Variants in C13orf42 observed in about 807,000 individuals in gnomAD.
C13orf42 encodes uncharacterized protein C13orf42.
chr13:51,164,625 G>A (rs922629095), intron 1 of C13orf42, among the ~76,000 whole-genome samples: 3 of 152,088 alleles, frequency 2.0e-5, no homozygotes, highest in Non-Finnish European at 2.9e-5. Flanking sequence ...GCACCACTGC[G>A]CTCCAGCCTG....
chr13:51,082,668 A>G lies in C13orf42; in HGVS notation c.*1483T>C, dbSNP rs948683486. The G allele has an allele frequency of 6.6e-6, 1 of 152,236 alleles. No homozygotes were observed. The highest frequency in any genetic ancestry group is 1.5e-5 in the Non-Finnish European group (1 of 68,040). 9.4% of individuals were successfully genotyped at this position (152,236 alleles called of 1,614,324 possible). A position where few individuals can be genotyped will look rare whatever the true frequency, so the allele number is the denominator to read the frequency against. On this transcript the variant is annotated 3_prime_UTR_variant, in exon 4 of 4. Transcript: ENST00000563710. ...ATGCAGTTTATAAAACAAATCTCCT[A>G]AACATTTACTTTCCAGTCAAGCTTC...
Position 51,149,770 on chromosome 13 carries a change from CTCT to C in C13orf42, n.136+22480_136+22482del, listed in dbSNP as rs376921123. On this transcript the variant is annotated intron_variant and non_coding_transcript_variant, in intron 1 of 4. Coordinates refer to the C13orf42 transcript ENST00000433280. ...TTGAAGTCATTTAGCATGAATATTTCTCTTCATCATCAATAATAAGCACCTCTC... is the reference window on the plus strand; with the variant it reads ...TTGAAGTCATTTAGCATGAATATTTCTCATCATCAATAATAAGCACCTCTC... 3.3e-5 allele frequency among the ~76,000 whole-genome samples: 5 copies of C among 152,270 alleles called. No individual in the cohort carries two copies. The East Asian group carries it at 7.7e-4, about 24-fold the overall frequency.
intron 1 of C13orf42, among the ~76,000 whole-genome samples, chr13:51,144,853 C>T (rs777633156): frequency 5.9e-5 from 9 of 152,150 alleles, no homozygotes; most frequent in Admixed American, 1.3e-4. Context: ...GAACAAAGTC[C>T]CATCAAAGCC....
At chr13:51,152,447 T>C (rs1327636081) in intron 1 of C13orf42, among the ~76,000 whole-genome samples, 1 of 152,222 alleles carries the variant, frequency 6.6e-6, no homozygotes, top group Non-Finnish European at 1.5e-5. Context: ...TCCTGGGCTC[T>C]AGTGATCCTC....
intron 1 of C13orf42, among the ~76,000 whole-genome samples, chr13:51,097,396 T>C (rs1953246197): frequency 6.6e-6 from 1 of 152,214 alleles, no homozygotes. Flanking sequence ...ATTGTCCTTT[T>C]ATAAATTATA....
At chr13:51,112,884 C>A (rs541139058), upstream of C13orf42, among the ~76,000 whole-genome samples, 4 of 152,234 alleles carry the variant, frequency 2.6e-5, no homozygotes, top group African/African-American at 9.6e-5. Flanking sequence ...ACCGAGTTCC[C>A]AGGTATCCAG....
At chr13:51,141,095 G>GT (rs1953692098) in intron 1 of C13orf42, among the ~76,000 whole-genome samples, 16 of 128,498 alleles carry the variant, frequency 1.2e-4, no homozygotes, top group African/African-American at 4.7e-4. Context: ...ATCGAAGGGA[G>GT]GTGTGTGTGT....
At chr13:51,102,715 C>A (rs1205484973) in intron 1 of C13orf42, among the ~76,000 whole-genome samples, 1 of 152,146 alleles carries the variant, frequency 6.6e-6, no homozygotes, top group Non-Finnish European at 1.5e-5. Context: ...GTATATTAGT[C>A]CATGTTCACA....
chr13:51,123,426 C>T (rs1381362999), intron 1 of C13orf42, among the ~76,000 whole-genome samples: 1 of 152,216 alleles, frequency 6.6e-6, no homozygotes, highest in African/African-American at 2.4e-5. Context: ...ATGCAAATTA[C>T]ACACATCACT....
intron 1 of C13orf42, among the ~76,000 whole-genome samples, chr13:51,102,389 C>A (rs1953303688): frequency 6.6e-6 from 1 of 152,136 alleles, no homozygotes; most frequent in Non-Finnish European, 1.5e-5. Flanking sequence ...GGAGAAAGAG[C>A]CTCTACAGGC....
chr13:51,086,011 C>T (rs1226946900), intron 2 of C13orf42, among the ~76,000 whole-genome samples: 1 of 151,114 alleles, frequency 6.6e-6, no homozygotes, highest in Admixed American at 6.6e-5. Flanking sequence ...AGCGAGACTC[C>T]GTCTCAAAAA....
chr13:51,121,439 T>C (rs566623292), intron 1 of C13orf42, among the ~76,000 whole-genome samples: 1 of 152,324 alleles, frequency 6.6e-6, no homozygotes, highest in South Asian at 2.1e-4. Context: ...ATAACTTTTG[T>C]ATGGGGTATT....
chr13:51,124,114 G>A (rs371137770), intron 1 of C13orf42, among the ~76,000 whole-genome samples: 32 of 152,230 alleles, frequency 2.1e-4, no homozygotes, highest in Middle Eastern at 3.4e-3. Flanking sequence ...TCTAACAACT[G>A]AATAACCCCA....
intron 1 of C13orf42, among the ~76,000 whole-genome samples, chr13:51,140,204 C>CAGGGAGGGA (rs1424379241): frequency 6.6e-6 from 1 of 152,220 alleles, no homozygotes; most frequent in Non-Finnish European, 1.5e-5. Flanking sequence ...TAGAAGCTCC[C>CAGGGAGGGA]TCCCTGCTTC....
At chr13:51,154,638 G>A (rs542809160) in intron 1 of C13orf42, among the ~76,000 whole-genome samples, 37 of 152,336 alleles carry the variant, frequency 2.4e-4, no homozygotes, top group Admixed American at 4.6e-4. Flanking sequence ...GAAGCAGCAT[G>A]TATTGACATT....
intron 1 of C13orf42, among the ~76,000 whole-genome samples, chr13:51,132,593 G>A (rs1441921576): frequency 2.6e-5 from 4 of 152,052 alleles, no homozygotes; most frequent in Non-Finnish European, 5.9e-5. Flanking sequence ...CAAGAGACTT[G>A]GGAATATCAT....
chr13:51,160,990 A>G (rs1953860284), intron 1 of C13orf42, among the ~76,000 whole-genome samples: 1 of 149,564 alleles, frequency 6.7e-6, no homozygotes, highest in Non-Finnish European at 1.5e-5. Context: ...AAAAACTGCC[A>G]GTTGTCGCAT....
chr13:51,106,973 A>G (rs1451825575), intron 1 of C13orf42, among the ~76,000 whole-genome samples: 1 of 152,098 alleles, frequency 6.6e-6, no homozygotes, highest in African/African-American at 2.4e-5. Context: ...TCATTCATTC[A>G]TTTTTATAAT....
intron 1 of C13orf42, among the ~76,000 whole-genome samples, chr13:51,103,664 G>C (rs1381329536): frequency 6.6e-6 from 1 of 151,804 alleles, no homozygotes; most frequent in East Asian, 1.9e-4. Context: ...TCGCGCCACT[G>C]CATACCAGCG....
Sources: allele counts gnomAD v4.1 joint callset (sites outside exome capture counted in the v4.1 genomes callset), GRCh38; gene constraint gnomAD v4.1.1; transcripts MANE v1.5; gene names NCBI Gene and HGNC (gene_info 2026-07-23, HGNC 2026-07-21).